Variants in PRH1 observed in about 807,000 individuals in gnomAD.
PRH1 encodes the protein proline rich protein HaeIII subfamily 1.
A neutral mutation model predicts 7.9 loss-of-function variants in PRH1; 7 were observed. The ratio of observed to expected loss-of-function variants is 0.89; its 90% confidence interval spans 0.50 to 1.67. The LOEUF (loss-of-function observed/expected upper bound fraction) is 1.67, where lower values mean the gene tolerates loss of function less well. PRH1 is among the 40% of genes most tolerant of loss of function. The pLI is 0.00. For synonymous variants in PRH1, 45 were observed against 80.8 expected, an observed-to-expected ratio of 0.56 and a Z score of 2.38; for missense variants, 109 against 223.6, an observed-to-expected ratio of 0.49 and a Z score of 3.27.
intron 2 of PRH1, chr12:10,931,200 T>C (rs1481519821): frequency 3.3e-6 from 5 of 1,525,720 alleles, no homozygotes; most frequent in Non-Finnish European, 4.4e-6. Flanking sequence ...ACATTTCTCA[T>C]GAGTTTTGTT....
intron 1 of PRH1, among the ~76,000 whole-genome samples, chr12:11,032,045 T>C (rs1038464844): frequency 1.8e-4 from 28 of 152,252 alleles, no homozygotes; most frequent in African/African-American, 6.5e-4. Flanking sequence ...GAAAACATTC[T>C]TATTTTCAAA....
chr12:11,047,028 G>T, exon 1 of PRH1: 1 of 509,210 alleles, frequency 2.0e-6, no homozygotes, highest in East Asian at 5.6e-5. Context: ...ACCTCATATG[G>T]ATAGATGGAG....
At chr12:10,930,638 C>T (rs1360879916) in intron 2 of PRH1, 1 of 1,613,040 alleles carries the variant, frequency 6.2e-7, no homozygotes, top group Non-Finnish European at 8.5e-7. Context: ...ATGAGCTCAG[C>T]TCTTCTTGTT....
intron 1 of PRH1, among the ~76,000 whole-genome samples, chr12:11,153,634 C>T (rs1947168437): frequency 6.6e-6 from 1 of 152,130 alleles, no homozygotes; most frequent in Admixed American, 6.6e-5. Flanking sequence ...AGCTGTTTGG[C>T]TTACAGAGGA....
chr12:10,887,883 G>A (rs1949517012), upstream of PRH1, among the ~76,000 whole-genome samples: 1 of 151,764 alleles, frequency 6.6e-6, no homozygotes, highest in Non-Finnish European at 1.5e-5. Flanking sequence ...TTAGCCATGA[G>A]TATCACTCTG....
At chr12:11,050,466 T>C (rs2597988), upstream of PRH1, among the ~76,000 whole-genome samples, 113,339 of 152,064 alleles carry the variant, frequency 0.75, 44,741 homozygotes, top group East Asian at 0.96. Context: ...TCTGGTAAAC[T>C]CACAACCTTC....
intron 2 of PRH1, among the ~76,000 whole-genome samples, chr12:10,913,021 C>T (rs1949922555): frequency 6.6e-6 from 1 of 152,124 alleles, no homozygotes; most frequent in African/African-American, 2.4e-5. Flanking sequence ...ATAGGTTTAT[C>T]TATGTCTTTT....
chr12:10,991,506 T>C (rs12306939), intron 1 of PRH1, among the ~76,000 whole-genome samples: 46,240 of 151,996 alleles, frequency 0.3, 8,871 homozygotes, highest in East Asian at 0.74. Flanking sequence ...ACCTTCTCCA[T>C]AGATTTTTAG....
intron 2 of PRH1, among the ~76,000 whole-genome samples, chr12:10,931,741 T>C (rs1950216999): frequency 6.6e-6 from 1 of 152,226 alleles, no homozygotes; most frequent in African/African-American, 2.4e-5. Context: ...TATTCAGTTC[T>C]GTGTCTTACT....
chr12:11,036,007 C>T (rs1340260053), intron 1 of PRH1, among the ~76,000 whole-genome samples: 5 of 152,156 alleles, frequency 3.3e-5, no homozygotes, highest in African/African-American at 1.2e-4. Context: ...CATTCTCCTG[C>T]CTCAGCCTCC....
At chr12:11,152,279 T>C (rs36062343) in intron 1 of PRH1, among the ~76,000 whole-genome samples, 31,528 of 137,236 alleles carry the variant, frequency 0.23, 3,606 homozygotes, top group Non-Finnish European at 0.24. Flanking sequence ...TTATTATAAA[T>C]AAAATTTTAA....
chr12:11,040,253 T>A (rs961398073), intron 1 of PRH1, among the ~76,000 whole-genome samples: 1 of 152,212 alleles, frequency 6.6e-6, no homozygotes, highest in African/African-American at 2.4e-5. Flanking sequence ...TTCTTTTCCA[T>A]TTAAAAAGTA....
At chr12:11,102,600 C>A (rs1270851468) in intron 1 of PRH1, among the ~76,000 whole-genome samples, 1 of 152,174 alleles carries the variant, frequency 6.6e-6, no homozygotes, top group Admixed American at 6.5e-5. Flanking sequence ...TAGAAGTAAA[C>A]CTAGGCAATA....
At chr12:10,965,889 CA>C (rs1938476835) in intron 2 of PRH1, among the ~76,000 whole-genome samples, 1 of 152,140 alleles carries the variant, frequency 6.6e-6, no homozygotes. Context: ...ACTTTTTAAT[CA>C]AAGTCATCGA....
At chr12:11,061,922 C>T (rs1591925412) in intron 1 of PRH1, 2 of 1,613,986 alleles carry the variant, frequency 1.2e-6, no homozygotes, top group East Asian at 4.5e-5. Flanking sequence ...ACACTCTTAA[C>T]TCTCCTCTTT....
chr12:11,061,555 A>G (rs1387893065), intron 1 of PRH1: 8 of 1,614,156 alleles, frequency 5.0e-6, no homozygotes, highest in Non-Finnish European at 5.9e-6. Context: ...CCAAACTGAC[A>G]TGATTATGGA....
chr12:10,965,369 A>C, intron 2 of PRH1: 1 of 1,074,774 alleles, frequency 9.3e-7, no homozygotes, highest in Admixed American at 2.2e-5. Context: ...ACAGACAAAA[A>C]GATAGAATAA....
intron 1 of PRH1, among the ~76,000 whole-genome samples, chr12:11,102,869 C>A (rs1212198012): frequency 1.2e-4 from 18 of 152,088 alleles, no homozygotes; most frequent in African/African-American, 3.4e-4. Flanking sequence ...ACCCCATCAA[C>A]AAGTGGGTGA....
intron 2 of PRH1, chr12:10,931,044 G>A (rs747330207): frequency 5.0e-6 from 8 of 1,587,062 alleles, no homozygotes; most frequent in Non-Finnish European, 6.8e-6. Context: ...GACCTCCACA[G>A]GGGCAGTCTC....
Sources: allele counts gnomAD v4.1 joint callset (sites outside exome capture counted in the v4.1 genomes callset), GRCh38; gene constraint gnomAD v4.1.1; transcripts MANE v1.5; gene names NCBI Gene and HGNC (gene_info 2026-07-23, HGNC 2026-07-21).